The following PTK7 variants were observed in gnomAD, a reference collection of about 807,000 sequenced individuals.
The protein encoded by PTK7 is inactive tyrosine-protein kinase 7.
In PTK7, 39 loss-of-function variants were observed where a neutral mutation model predicts 116.6. The observed-to-expected ratio is 0.33, with a 90% CI of 0.26 to 0.44. PTK7 has a LOEUF of 0.44. Ranked by LOEUF, PTK7 falls within the 20% of genes least tolerant of loss-of-function variation. PTK7 has a pLI of 1.00. For missense variants in PTK7, 1,169 were observed against 1,425.6 expected (o/e 0.82, Z 2.90); for synonymous variants, 546 against 563.6 (o/e 0.97, Z 0.44).
At chr6:43,102,418 C>G (rs1416090516) in intron 1 of PTK7, among the ~76,000 whole-genome samples, 1 of 151,742 alleles carries the variant, frequency 6.6e-6, no homozygotes, top group Admixed American at 6.6e-5. Context: ...GAGCAAGACT[C>G]TGTCTCAAAG....
chr6:43,099,250 T>G (rs1767433779), intron 1 of PTK7, among the ~76,000 whole-genome samples: 1 of 150,534 alleles, frequency 6.6e-6, no homozygotes. Context: ...TTTTTTTTTT[T>G]GAGATAGGGT....
intron 18 of PTK7, among the ~76,000 whole-genome samples, chr6:43,159,244 A>G (rs897286415): frequency 2.0e-5 from 3 of 152,238 alleles, no homozygotes; most frequent in Admixed American, 1.3e-4. Context: ...GGATTTATAT[A>G]TAATCTATTT....
Position 43,145,393 on chromosome 6 carries a change from G to A in PTK7, c.2601G>A (p.Glu867=). ...TGCGGCTCCTGGGGCTGTGCCGGGA[G>A]GCTGAGCCCCACTACATGGTGCTGG... ...NVVRLLGLCR[E]AEPHYMVLEY... The change falls in exon 16 of 20, where the codon GAG becomes GAA. Residue 867 remains glutamate (E), a synonymous_variant. Coordinates refer to ENST00000230419, the MANE Select transcript of PTK7 (RefSeq NM_002821.5). This position sits in a 1 kb window ranked among gnomAD's most constrained non-coding sequence, Gnocchi z 4.8. 1 of 1,609,772 alleles carries A rather than the reference G, an allele frequency of 6.2e-7. No individual in the cohort carries two copies. Among genetic ancestry groups the A allele is most frequent in the Non-Finnish European group, 8.5e-7 (1 of 1,177,532 alleles).
chr6:43,142,669 G>C (rs1770492622), intron 13 of PTK7: 1 of 363,256 alleles, frequency 2.8e-6, no homozygotes, highest in Non-Finnish European at 5.3e-6. Flanking sequence ...CAGAGAGGAT[G>C]ATGGGTCAGG....
In PTK7 at chr6:43,077,132, T is replaced by C. The variant is rs568267646; in HGVS notation, c.79+565T>C. 5 of 967,580 alleles carry C rather than the reference T, an allele frequency of 5.2e-6. No homozygotes were observed. The East Asian group carries it at 1.6e-4, about 31-fold the overall frequency. The allele number at this position is 967,580 out of a possible 1,614,324, so 59.9% of individuals were successfully genotyped here. On this transcript the variant is annotated intron_variant, in intron 1 of 19. Transcript: ENST00000230419. ...CTGAGACCCCAGATGGCCCTGCGGG[T>C]GAGGGCGGAAGAAGGGAAGAGTTAG...
chr6:43,101,506 T>C (rs9462867), intron 1 of PTK7, among the ~76,000 whole-genome samples: 66,477 of 150,142 alleles, frequency 0.44, 15,154 homozygotes, highest in African/African-American at 0.56. Flanking sequence ...GTGCTGAGAT[T>C]GCGCCACTGC....
rs530147383 is a variant in PTK7, at chr6:43,160,899, G to T, written c.*18G>T. 1 of 1,612,324 alleles carries T rather than the reference G, an allele frequency of 6.2e-7. No individual in the cohort carries two copies. Among genetic ancestry groups the T allele is most frequent in the South Asian group, 1.1e-5 (1 of 91,004 alleles). The stretch of plus-strand genomic sequence containing the variant: ...AGCCGTGAGGAGGGAGCCCGCTCAG[G>T]ATGGCCTGGGCAGGGGAGGACATCT... On this transcript the variant is annotated 3_prime_UTR_variant, in exon 20 of 20. Coordinates refer to ENST00000230419, the MANE Select transcript of PTK7 (RefSeq NM_002821.5).
rs189800960 is a variant in PTK7 at position 43,148,720 on chromosome 6, C to G, written c.2721+2022C>G. Among the ~76,000 whole-genome samples the G allele has an allele frequency of 9.2e-5, 14 of 152,082 alleles. No homozygotes were observed. The East Asian group carries it at 2.3e-3, about 25-fold the overall frequency. On this transcript the variant is annotated intron_variant, in intron 17 of 19. Coordinates refer to ENST00000230419, the MANE Select transcript of PTK7 (RefSeq NM_002821.5). Reference sequence around the variant, plus strand: ...TGGGGGAACTTTAATAAGTTGGGTTCTACACTCTCCAAGGACCATACTCTG... The same window carrying G: ...TGGGGGAACTTTAATAAGTTGGGTTGTACACTCTCCAAGGACCATACTCTG...
At position 43,150,915 on chromosome 6, in the gene PTK7, G is replaced by A. The variant is rs185227615; in HGVS notation, c.2721+4217G>A. On this transcript the variant is annotated intron_variant, in intron 17 of 19. Transcript: ENST00000230419. ...CTCCGCCTCCCAAGTAGCTGGGATCGCTCTTCAAGCGATTCTCCTGCCTTA... is the reference window on the plus strand; with the variant it reads ...CTCCGCCTCCCAAGTAGCTGGGATCACTCTTCAAGCGATTCTCCTGCCTTA... Among the ~76,000 whole-genome samples the A allele has an allele frequency of 6.2e-5, 9 of 145,670 alleles. No homozygotes were observed. The East Asian group carries it at 1.6e-3, about 27-fold the overall frequency.
chr6:43,140,678 A>C (rs1178680448), intron 10 of PTK7, among the ~76,000 whole-genome samples: 1 of 152,104 alleles, frequency 6.6e-6, no homozygotes, highest in Non-Finnish European at 1.5e-5. Flanking sequence ...GCTTGAGCCC[A>C]GGAGTTCAAG....
chr6:43,076,881 C>T lies in PTK7; in HGVS notation c.79+314C>T. 6.7e-7 allele frequency: 1 copy of T among 1,497,216 alleles called. No individual in the cohort carries two copies. The allele number at this position is 1,497,216 out of a possible 1,614,324, so 92.7% of individuals were successfully genotyped here. Reference sequence around the variant, plus strand: ...GCCGAGAGTTGCTGGCTCTCGGGCCCAGATGGGGAGTTTCTTGTCGGGGGA... The same window carrying T: ...GCCGAGAGTTGCTGGCTCTCGGGCCTAGATGGGGAGTTTCTTGTCGGGGGA... On this transcript the variant is annotated intron_variant, in intron 1 of 19. Transcript: ENST00000230419. This position sits in a 1 kb window ranked among gnomAD's most constrained non-coding sequence, Gnocchi z 5.7.
chr6:43,105,612 A>G (rs1767845729), intron 1 of PTK7, among the ~76,000 whole-genome samples: 1 of 152,346 alleles, frequency 6.6e-6, no homozygotes, highest in African/African-American at 2.4e-5. Context: ...AGATCAATTC[A>G]TTAAGGTGAA....
At chr6:43,131,029 TCACACACACACA>T (rs3222659) in intron 5 of PTK7, among the ~76,000 whole-genome samples, 1,537 of 133,828 alleles carry the variant, frequency 0.011, 25 homozygotes, top group African/African-American at 0.037. Context: ...GGCAAAGACA[TCACACACACACA>T]CACACACACA....
Position 43,144,558 on chromosome 6 carries a change from G to A in PTK7, c.2359G>A (p.Asp787Asn), listed in dbSNP as rs1582195945. 3.1e-6 allele frequency: 5 copies of A among 1,614,174 alleles called. No individual in the cohort carries two copies. Among genetic ancestry groups the A allele is most frequent in the Non-Finnish European group, 4.2e-6 (5 of 1,180,014 alleles). The change falls in exon 15 of 20, where the codon GAT becomes AAT. Residue 787 changes from aspartate (D) to asparagine (N), a missense_variant. Physicochemically the swap from Asp to Asn is conservative, Grantham distance 23. Around this residue, in one of 3 missense-constraint regions of PTK7, gnomAD observed 678 missense variants for 853.8 expected, o/e 0.79. Coordinates refer to ENST00000230419, the MANE Select transcript of PTK7 (RefSeq NM_002821.5). ...AATNKRHSTS[D>N]KMHFPRSSLQ... ...CACCAACAAACGCCACAGCACAAGT[G>A]ATAAGATGCACTTCCCACGGTCTAG...
rs143311394 is a variant in PTK7, at chr6:43,113,780, G to A, written c.80-15197G>A. 7.7e-4 allele frequency among the ~76,000 whole-genome samples: 117 copies of A among 152,282 alleles called. 2 individuals are homozygous for A. The highest frequency in any genetic ancestry group is 2.6e-3 in the African/African-American group (109 of 41,552). ...ATGTCAGGAAGTTTAACAGTACGGC[G>A]CATTTATCTTGATGAATAATGGATG... On this transcript the variant is annotated intron_variant, in intron 1 of 19. Coordinates refer to ENST00000230419, the MANE Select transcript of PTK7 (RefSeq NM_002821.5).
rs113184581 is a variant in PTK7 at position 43,152,530 on chromosome 6, G to A, written c.2721+5832G>A. The stretch of plus-strand genomic sequence containing the variant: ...CGACAGAGTGAGACTCCGTCTGGAT[G>A]AGGTTTTTCCCAACTCTAATTACAT... On this transcript the variant is annotated intron_variant, in intron 17 of 19. Coordinates refer to ENST00000230419, the MANE Select transcript of PTK7 (RefSeq NM_002821.5). Among the ~76,000 whole-genome samples, 855 of 152,320 alleles carry A rather than the reference G, an allele frequency of 5.6e-3. 6 individuals are homozygous for A. Among genetic ancestry groups the A allele is most frequent in the African/African-American group, 0.017 (724 of 41,572 alleles).
chr6:43,079,101 G>A (rs1766220682), intron 1 of PTK7, among the ~76,000 whole-genome samples: 2 of 152,152 alleles, frequency 1.3e-5, no homozygotes, highest in Admixed American at 1.3e-4. Flanking sequence ...CAGAGCTCAA[G>A]CAATGGAGAT....
intron 1 of PTK7, among the ~76,000 whole-genome samples, chr6:43,126,584 G>C (rs1561962301): frequency 6.6e-6 from 1 of 152,246 alleles, no homozygotes; most frequent in Admixed American, 6.5e-5. Context: ...TGTAGGATCA[G>C]ATGCTTCCAG....
chr6:43,080,048 TC>T (rs1296591285), intron 1 of PTK7, among the ~76,000 whole-genome samples: 3 of 106,298 alleles, frequency 2.8e-5, no homozygotes, highest in African/African-American at 1.1e-4. Flanking sequence ...GTGACAGAGT[TC>T]AAAAAAAAAA....
Sources: gnomAD v4.1 joint callset for allele counts (sites outside exome capture counted in the v4.1 genomes callset) on GRCh38, gnomAD v4.1.1 for gene constraint, gnomAD v4.1.1 regional missense constraint, Gnocchi (gnomAD v3.1) non-coding constraint, MANE v1.5 for transcripts, NCBI Gene and HGNC (gene_info 2026-07-23, HGNC 2026-07-21) for gene names.